Variants in ITSN1 observed in about 807,000 individuals in gnomAD.
ITSN1 encodes the protein intersectin-1.
ITSN1 carries 58 observed loss-of-function variants against 239.8 expected under a neutral mutation model. The ratio of observed to expected loss-of-function variants is 0.24; its 90% confidence interval spans 0.20 to 0.30. ITSN1 has a LOEUF of 0.30. Ranked by LOEUF, ITSN1 falls within the 10% of genes least tolerant of loss-of-function variation. The probability of loss-of-function intolerance (pLI) is 1.00; values close to 1 mark genes in which losing one functional copy is unlikely to be tolerated. For missense variants in ITSN1, 1,558 were observed against 2,103.3 expected, an observed-to-expected ratio of 0.74 and a Z score of 5.07; for synonymous variants, 780 against 770.8, an observed-to-expected ratio of 1.01 and a Z score of -0.20.
intron 4 of ITSN1, among the ~76,000 whole-genome samples, chr21:33,725,900 AG>A (rs2065805346): frequency 6.6e-6 from 1 of 152,250 alleles, no homozygotes; most frequent in African/African-American, 2.4e-5. Flanking sequence ...GAGTTTAGCA[AG>A]ATCTGCCTTT....
chr21:33,758,836 C>G (rs2068092833), intron 8 of ITSN1, among the ~76,000 whole-genome samples: 1 of 152,110 alleles, frequency 6.6e-6, no homozygotes, highest in Admixed American at 6.6e-5. Context: ...TGGTTTTATT[C>G]CTATGTTCCC....
chr21:33,841,706 C>T (rs1279910767), intron 29 of ITSN1, among the ~76,000 whole-genome samples: 1 of 152,310 alleles, frequency 6.6e-6, no homozygotes, highest in East Asian at 1.9e-4. Context: ...CACAGCAAAT[C>T]GCAGTCCTGC....
At chr21:33,817,967 G>A (rs1025770512) in intron 22 of ITSN1, 1 of 412,158 alleles carries the variant, frequency 2.4e-6, no homozygotes, top group Admixed American at 4.1e-5. Flanking sequence ...AATATAAAGG[G>A]CACACAGCCA....
intron 1 of ITSN1, among the ~76,000 whole-genome samples, chr21:33,670,495 C>A (rs1307551110): frequency 6.7e-6 from 1 of 149,668 alleles, no homozygotes; most frequent in Non-Finnish European, 1.5e-5. Context: ...TTTTTTTTTC[C>A]CAAAACAACA....
chr21:33,700,077 T>G (rs2091944166), intron 1 of ITSN1, among the ~76,000 whole-genome samples: 1 of 149,996 alleles, frequency 6.7e-6, no homozygotes, highest in South Asian at 2.1e-4. Flanking sequence ...GTTTTTTTTT[T>G]GTTGTTGTTT....
Position 33,865,251 on chromosome 21 carries a change from C to T in ITSN1, c.3991C>T (p.Arg1331Cys). The change falls in exon 32 of 40, where the codon CGC (arginine) becomes TGC (cysteine). Residue 1331 changes from arginine (R) to cysteine (C), a missense_variant. Around this residue, in one of 2 missense-constraint regions of ITSN1, gnomAD observed 576 missense variants for 893.3 expected, o/e 0.64. Coordinates refer to ENST00000381318, the MANE Select transcript of ITSN1 (RefSeq NM_003024.3). The surrounding 1 kb of genome is among the most constrained non-coding windows in gnomAD (Gnocchi z 4.4). Reference sequence around the variant, plus strand: ...GCTGCCGCACATGCAGCCCTACATCCGCTTCTGCAGCCGCCAGCTCAACGG... The same window carrying T: ...GCTGCCGCACATGCAGCCCTACATCTGCTTCTGCAGCCGCCAGCTCAACGG... The part of the protein sequence containing the change: ...AQLPHMQPYI[R>C]FCSRQLNGAA... 1 of 1,611,556 alleles carries T rather than the reference C, an allele frequency of 6.2e-7. No homozygotes were observed. Among genetic ancestry groups the T allele is most frequent in the Non-Finnish European group, 8.5e-7 (1 of 1,179,096 alleles).
At chr21:33,749,135 G>C (rs186077851) in intron 5 of ITSN1, among the ~76,000 whole-genome samples, 1 of 151,854 alleles carries the variant, frequency 6.6e-6, no homozygotes, top group Admixed American at 6.5e-5. Flanking sequence ...CCTACAGGCG[G>C]GTACCACCAT....
chr21:33,759,378 GA>G (rs1312641110), intron 8 of ITSN1, among the ~76,000 whole-genome samples: 1 of 152,208 alleles, frequency 6.6e-6, no homozygotes, highest in African/African-American at 2.4e-5. Context: ...GTCAGGACTA[GA>G]ATCCAAGTCC....
At chr21:33,808,173 G>A (rs1223148390) in intron 20 of ITSN1, among the ~76,000 whole-genome samples, 1 of 150,246 alleles carries the variant, frequency 6.7e-6, no homozygotes, top group Non-Finnish European at 1.5e-5. Flanking sequence ...CCACCTGGGC[G>A]ACAGAGCGAG....
At chr21:33,800,320 A>G (rs1256018290) in intron 19 of ITSN1, among the ~76,000 whole-genome samples, 2 of 151,836 alleles carry the variant, frequency 1.3e-5, no homozygotes, top group Non-Finnish European at 2.9e-5. Flanking sequence ...TGTATGTATA[A>G]TATATACTAG....
intron 22 of ITSN1, among the ~76,000 whole-genome samples, chr21:33,815,342 C>G (rs1281106217): frequency 2.6e-5 from 4 of 151,774 alleles, no homozygotes; most frequent in Non-Finnish European, 4.4e-5. Context: ...TGTCCTAGCT[C>G]AGCATTTAGC....
chr21:33,710,950 C>A (rs572567503), intron 1 of ITSN1, among the ~76,000 whole-genome samples: 1 of 151,748 alleles, frequency 6.6e-6, no homozygotes, highest in Non-Finnish European at 1.5e-5. Context: ...GGACTACAGG[C>A]GCGTGCTACC....
At chr21:33,857,910 G>A (rs555136183) in intron 30 of ITSN1, among the ~76,000 whole-genome samples, 4 of 152,264 alleles carry the variant, frequency 2.6e-5, no homozygotes, top group South Asian at 2.1e-4. Flanking sequence ...GGGAGCAGCC[G>A]CAGCCCAGCC....
At chr21:33,728,468 T>C (rs547483259) in intron 4 of ITSN1, among the ~76,000 whole-genome samples, 1 of 152,142 alleles carries the variant, frequency 6.6e-6, no homozygotes, top group African/African-American at 2.4e-5. Context: ...GACATTGTGA[T>C]CCGCCTGCCT....
chr21:33,809,082 G>A (rs1310117093), intron 20 of ITSN1, among the ~76,000 whole-genome samples: 1 of 152,158 alleles, frequency 6.6e-6, no homozygotes, highest in Non-Finnish European at 1.5e-5. Flanking sequence ...GATCCAAATG[G>A]GGGAAAATTT....
chr21:33,651,288 T>C (rs1255985935), intron 1 of ITSN1, among the ~76,000 whole-genome samples: 1 of 152,020 alleles, frequency 6.6e-6, no homozygotes, highest in East Asian at 1.9e-4. Context: ...AGCAGGGGAG[T>C]CCCATGATGT....
intron 23 of ITSN1, 83 bp downstream of exon 23, chr21:33,818,555 A>G: frequency 8.2e-7 from 1 of 1,220,142 alleles, no homozygotes; most frequent in Non-Finnish European, 1.2e-6. Context: ...AGATTCACAG[A>G]CAGGAGTTGC....
chr21:33,886,569 C>A, intron 39 of ITSN1, 109 bp downstream of exon 39: 1 of 996,866 alleles, frequency 1.0e-6, no homozygotes, highest in Non-Finnish European at 1.4e-6. Flanking sequence ...CGGTTTCCCT[C>A]CTGAGAGATG....
intron 4 of ITSN1, among the ~76,000 whole-genome samples, chr21:33,733,774 A>T (rs866066210): frequency 4.6e-5 from 7 of 152,330 alleles, no homozygotes; most frequent in Middle Eastern, 3.4e-3. Flanking sequence ...TGAAGGGCCC[A>T]TGACTACAGG....
Sources: gnomAD v4.1 joint callset for allele counts (sites outside exome capture counted in the v4.1 genomes callset) on GRCh38, gnomAD v4.1.1 for gene constraint, gnomAD v4.1.1 regional missense constraint, Gnocchi (gnomAD v3.1) non-coding constraint, MANE v1.5 for transcripts, NCBI Gene and HGNC (gene_info 2026-07-23, HGNC 2026-07-21) for gene names.